EIF2AK2: variants seen among roughly 807,000 people sequenced by gnomAD.
EIF2AK2 encodes interferon-induced, double-stranded RNA-activated protein kinase.
A neutral mutation model predicts 70.5 loss-of-function variants in EIF2AK2; 40 were observed. That is an observed-to-expected ratio of 0.57 (90% CI 0.44 to 0.74). The LOEUF is 0.74. Among genes scored for constraint, EIF2AK2 ranks in the 30% least tolerant of loss-of-function variants. The probability of loss-of-function intolerance (pLI) is 0.00; values close to 1 mark genes in which losing one functional copy is unlikely to be tolerated. For synonymous variants in EIF2AK2, 198 were observed against 220.9 expected (o/e 0.90, Z 0.92); for missense variants, 555 against 644.3 (o/e 0.86, Z 1.50).
At chr2:37,138,465 A>T (rs1675205561) in intron 7 of EIF2AK2, 44 bp downstream of exon 7, 1 of 1,607,614 alleles carries the variant, frequency 6.2e-7, no homozygotes, top group Non-Finnish European at 8.5e-7. Context: ...TTTCAGACAG[A>T]AATATGAATA....
chr2:37,141,356 T>C (rs904273707), intron 5 of EIF2AK2, among the ~76,000 whole-genome samples, 197 bp downstream of exon 5: 2 of 152,226 alleles, frequency 1.3e-5, no homozygotes, highest in Non-Finnish European at 2.9e-5. Context: ...TGATCAATTA[T>C]GGTAAATGGG....
intron 6 of EIF2AK2, among the ~76,000 whole-genome samples, chr2:37,139,024 C>A (rs982069479): frequency 1.3e-5 from 2 of 150,602 alleles, no homozygotes; most frequent in Non-Finnish European, 3.0e-5. Flanking sequence ...TGGTCTGAAA[C>A]TCCTGAGTTC....
chr2:37,138,167 T>A, intron 8 of EIF2AK2, 103 bp downstream of exon 8: 1 of 848,916 alleles, frequency 1.2e-6, no homozygotes, highest in Non-Finnish European at 1.8e-6. Flanking sequence ...GTGCATAAGA[T>A]AAAAAATATA....
intron 1 of EIF2AK2, among the ~76,000 whole-genome samples, chr2:37,154,927 C>G (rs72790617): frequency 8.5e-6 from 1 of 117,344 alleles, no homozygotes; most frequent in African/African-American, 2.9e-5. Flanking sequence ...TCTTCAACTT[C>G]TTTTCTTCTA....
chr2:37,127,837 G>A lies in EIF2AK2; in HGVS notation c.786-1426C>T, dbSNP rs139903793. 2.6e-3 allele frequency among the ~76,000 whole-genome samples: 397 copies of A among 151,518 alleles called. 2 individuals carry two copies. Among genetic ancestry groups the A allele is most frequent in the African/African-American group, 8.1e-3 (334 of 41,286 alleles). ...CGCTCACTGCAACCTCCACCCTCCA[G>A]GTTCAAGCGATTCTCCTGCCTCAGC... is the stretch of plus-strand genomic sequence containing the variant. On this transcript the variant is annotated intron_variant, in intron 10 of 16. Transcript: ENST00000233057.
At chr2:37,153,323 C>T (rs560071172) in intron 1 of EIF2AK2, among the ~76,000 whole-genome samples, 2 of 146,766 alleles carry the variant, frequency 1.4e-5, no homozygotes, top group Admixed American at 1.4e-4. Context: ...CCAGTCCTTT[C>T]AGTCTCTGCT....
intron 10 of EIF2AK2, 122 bp from the exon 11 acceptor site, chr2:37,126,533 CCTT>C: frequency 1.4e-6 from 2 of 1,393,992 alleles, no homozygotes; most frequent in Non-Finnish European, 1.9e-6. Context: ...TTGATTCTCT[CCTT>C]CTGAATAAGA....
intron 1 of EIF2AK2, among the ~76,000 whole-genome samples, chr2:37,155,682 T>A (rs1478447937): frequency 4.6e-5 from 7 of 152,154 alleles, no homozygotes; most frequent in Non-Finnish European, 8.8e-5. Context: ...TATTTGTCCA[T>A]CTTACTAATG....
intron 13 of EIF2AK2, among the ~76,000 whole-genome samples, chr2:37,118,934 T>C (rs1674438568): frequency 6.6e-6 from 1 of 152,128 alleles, no homozygotes; most frequent in African/African-American, 2.4e-5. Flanking sequence ...TACTTCTGCC[T>C]AGAACAGAAA....
chr2:37,146,331 A>G (rs1207121935), intron 4 of EIF2AK2, among the ~76,000 whole-genome samples: 2 of 152,198 alleles, frequency 1.3e-5, no homozygotes, highest in African/African-American at 4.8e-5. Flanking sequence ...TAAGCAATGC[A>G]TAACTGTATA....
In EIF2AK2 at chr2:37,138,520, C is replaced by T; in HGVS notation, c.582G>A (p.Val194=). ...TTCESQSNSL[V]TSTLASESSS... ...TTGTCTACACTTACAGTGTGCTGGTCACTAAAGAGTTGCTTTGGGACTCAC... is the reference window on the plus strand; with the variant it reads ...TTGTCTACACTTACAGTGTGCTGGTTACTAAAGAGTTGCTTTGGGACTCAC... The change falls in exon 7 of 17, where the codon GTG becomes GTA. Residue 194 remains valine, a synonymous_variant. Transcript: ENST00000233057. 1 of 1,614,066 alleles carries T rather than the reference C, an allele frequency of 6.2e-7. No homozygotes were observed. The highest frequency in any genetic ancestry group is 8.5e-7 in the Non-Finnish European group (1 of 1,179,986).
At chr2:37,110,751 A>C (rs1674115736) in intron 14 of EIF2AK2, among the ~76,000 whole-genome samples, 1 of 152,234 alleles carries the variant, frequency 6.6e-6, no homozygotes, top group Admixed American at 6.5e-5. Context: ...TAGGATAAAC[A>C]ACCCAAAAGG....
intron 12 of EIF2AK2, among the ~76,000 whole-genome samples, chr2:37,121,584 A>G (rs1453437293): frequency 6.6e-6 from 1 of 151,946 alleles, no homozygotes; most frequent in African/African-American, 2.4e-5. Context: ...AGAAGTGCCA[A>G]CAAATTACTA....
chr2:37,129,161 C>T (rs1674853350), intron 10 of EIF2AK2, among the ~76,000 whole-genome samples: 1 of 152,046 alleles, frequency 6.6e-6, no homozygotes, highest in South Asian at 2.1e-4. Context: ...AGATGAGGAA[C>T]AAAAAATTCA....
rs773601922 is a variant in EIF2AK2 at position 37,122,533 on chromosome 2, T to C, written c.1040A>G (p.Asp347Gly). ...SDDSLESSDY[D>G]PENSKNSSRS... ...TGAACTATTTTTGCTGTTCTCAGGA[T>C]CATAATCACTGCTCTCAAGAGAATC... is the stretch of plus-strand genomic sequence containing the variant. The change falls in exon 12 of 17, where the codon GAT becomes GGT. Residue 347 changes from aspartate (D) to glycine (G), a missense_variant. Transcript: ENST00000233057. 5.6e-6 allele frequency: 9 copies of C among 1,613,886 alleles called. No homozygotes were observed. The highest frequency in any genetic ancestry group is 1.7e-5 in the Admixed American group (1 of 59,934).
chr2:37,120,640 C>T (rs1674510696), intron 12 of EIF2AK2, among the ~76,000 whole-genome samples: 1 of 149,286 alleles, frequency 6.7e-6, no homozygotes, highest in East Asian at 1.9e-4. Flanking sequence ...CCCGGATGTC[C>T]AGAGCTTTAT....
chr2:37,135,557 A>G lies in EIF2AK2; in HGVS notation c.723-11T>C, dbSNP rs759161819. On this transcript the variant is annotated splice_polypyrimidine_tract_variant and intron_variant, in intron 9 of 16. Transcript: ENST00000233057. ...CTGGGTGCCAAAGATCTAAAAATTA[A>G]GAGTTGAATGTAAAACTCAAATAAA... 1 of 1,606,524 alleles carries G rather than the reference A, an allele frequency of 6.2e-7. No homozygotes were observed. Among genetic ancestry groups the G allele is most frequent in the African/African-American group, 1.3e-5 (1 of 74,560 alleles).
At chr2:37,120,784 G>A (rs1674516355) in intron 12 of EIF2AK2, among the ~76,000 whole-genome samples, 2 of 148,588 alleles carry the variant, frequency 1.3e-5, no homozygotes, top group African/African-American at 4.9e-5. Flanking sequence ...GCAGCATGGC[G>A]AAACCCCATC....
chr2:37,138,564 C>T lies in EIF2AK2; in HGVS notation c.538G>A (p.Gly180Ser). The T allele has an allele frequency of 6.2e-7, 1 of 1,614,094 alleles. No homozygotes were observed. The highest frequency in any genetic ancestry group is 8.5e-7 in the Non-Finnish European group (1 of 1,179,996). Residue 180 changes from glycine (G) to serine (S), a missense_variant, in exon 7 of 17, where the codon GGT becomes AGT. Coordinates refer to ENST00000233057, the MANE Select transcript of EIF2AK2 (RefSeq NM_001135651.3). Reference sequence around the variant, plus strand: ...GACTCACACGTAGTAGCAAAAGAACCAGAGGACAGGTAGTCAGATTTCTGA... The same window carrying T: ...GACTCACACGTAGTAGCAAAAGAACTAGAGGACAGGTAGTCAGATTTCTGA... ...TSVKSDYLSS[G>S]SFATTCESQS...
Sources: gnomAD v4.1 joint callset for allele counts (sites outside exome capture counted in the v4.1 genomes callset) on GRCh38, gnomAD v4.1.1 for gene constraint, MANE v1.5 for transcripts, NCBI Gene and HGNC (gene_info 2026-07-23, HGNC 2026-07-21) for gene names.